FAM171A2: variants seen among roughly 807,000 people sequenced by gnomAD.
FAM171A2 encodes the protein protein FAM171A2.
A neutral mutation model predicts 34.2 loss-of-function variants in FAM171A2; 13 were observed. That is an observed-to-expected ratio of 0.38 (90% CI 0.25 to 0.60). The LOEUF is 0.60. FAM171A2 is among the 20% of genes least tolerant of loss of function. FAM171A2 has a pLI of 0.62. For synonymous variants in FAM171A2, 475 were observed against 561.2 expected (o/e 0.85, Z 2.17); for missense variants, 950 against 1,180.7 (o/e 0.80, Z 2.86).
intron 3 of FAM171A2, among the ~76,000 whole-genome samples, chr17:44,358,700 C>A (rs140766080): frequency 4.4e-4 from 67 of 151,974 alleles, no homozygotes; most frequent in Non-Finnish European, 8.5e-4. Flanking sequence ...AAAAACCCAA[C>A]AACAACAACA....
chr17:44,354,480 C>G lies in FAM171A2; in HGVS notation c.1734G>C (p.Gln578His). 1 of 1,079,142 alleles carries G rather than the reference C, an allele frequency of 9.3e-7. No individual in the cohort carries two copies. The highest frequency in any genetic ancestry group is 1.1e-6 in the Non-Finnish European group (1 of 890,564). The allele number at this position is 1,079,142 out of a possible 1,614,324, so 66.8% of individuals were successfully genotyped here. A position where few individuals can be genotyped will look rare whatever the true frequency, so the allele number is the denominator to read the frequency against. ...GCATCTGCGGGCGCTGGGGGTCGGG[C>G]TGGGGAAAAGCGCGCGCCGGGCCGG... Reference protein sequence around the residue: ...TAPGPARAFPQPDPQRPQMPG... With the variant: ...TAPGPARAFPHPDPQRPQMPG... Residue 578 changes from glutamine (Q) to histidine (H), a missense_variant, in exon 8 of 8, where the codon CAG (glutamine) becomes CAC (histidine). Gln to His is a conservative substitution (Grantham distance 24). Around this residue, in one of 3 missense-constraint regions of FAM171A2, gnomAD observed 752 missense variants for 924.5 expected, o/e 0.81. Coordinates refer to ENST00000293443, the MANE Select transcript of FAM171A2 (RefSeq NM_198475.3). The surrounding 1 kb of genome is among the most constrained non-coding windows in gnomAD (Gnocchi z 5.8).
Position 44,353,460 on chromosome 17 carries a change from A to G in FAM171A2, c.*273T>C. 5.0e-6 allele frequency: 1 copy of G among 200,634 alleles called. No homozygotes were observed. Among genetic ancestry groups the G allele is most frequent in the Non-Finnish European group, 1.0e-5 (1 of 100,384 alleles). 12.4% of individuals were successfully genotyped at this position (200,634 alleles called of 1,614,324 possible). ...TCCCACAATAGAGCTTTCTATGTAC[A>G]GCCACGTCTACACAGGCACTGCTTC... On this transcript the variant is annotated 3_prime_UTR_variant, in exon 8 of 8. Transcript: ENST00000293443.
intron 1 of FAM171A2, among the ~76,000 whole-genome samples, chr17:44,361,976 G>A (rs1304810072): frequency 6.6e-6 from 1 of 151,354 alleles, no homozygotes; most frequent in Admixed American, 6.6e-5. Flanking sequence ...GGGATCCCGA[G>A]TCTGAGATAT....
rs1199798964 is a variant in FAM171A2, at chr17:44,355,989, G to A, written c.864C>T (p.Tyr288=). The A allele has an allele frequency of 6.5e-7, 1 of 1,546,758 alleles. No individual in the cohort carries two copies. Among genetic ancestry groups the A allele is most frequent in the South Asian group, 1.2e-5 (1 of 83,342 alleles). The change falls in exon 6 of 8, where the codon TAC becomes TAT. Residue 288 remains tyrosine, a synonymous_variant. Coordinates refer to ENST00000293443, the MANE Select transcript of FAM171A2 (RefSeq NM_198475.3). This position sits in a 1 kb window ranked among gnomAD's most constrained non-coding sequence, Gnocchi z 4.1. ...TGGGGGAGGCCATGGCGGCCACCCA[G>A]TACCCCAGCTGGGGGGAGACGAAGG... The part of the protein sequence containing the change: ...YWTFVSPQLG[Y]WVAAMASPTA...
chr17:44,359,716 A>ACCCCC, intron 2 of FAM171A2, 45 bp from the exon 3 acceptor site: 3 of 1,155,474 alleles, frequency 2.6e-6, no homozygotes, highest in South Asian at 1.4e-5. Context: ...CCCACCCCCT[A>ACCCCC]CCCCCCAGCC....
At chr17:44,362,247 AG>A (rs1289998642) in intron 1 of FAM171A2, among the ~76,000 whole-genome samples, 2 of 151,964 alleles carry the variant, frequency 1.3e-5, no homozygotes, top group Non-Finnish European at 2.9e-5. Context: ...CAGGGACTTG[AG>A]GGGAGGGGCG....
chr17:44,357,520 G>A (rs368680904), intron 3 of FAM171A2, among the ~76,000 whole-genome samples: 17 of 149,282 alleles, frequency 1.1e-4, no homozygotes, highest in Middle Eastern at 3.7e-3. Flanking sequence ...GGTGGCAGGC[G>A]CCTGTAATCC....
In FAM171A2 at chr17:44,356,189, T is replaced by A. The variant is rs758958501; in HGVS notation, c.762A>T (p.Arg254Ser). ...GGCACTTACCACTCTTGGGGTCAAA[T>A]CTCCAGGCTGGAATGCTGGTGCCCA... ...LTVGTSIPAW[R>S]FDPKSGLWVR... Residue 254 changes from arginine (R) to serine (S), a missense_variant, in exon 5 of 8, where the codon AGA becomes AGT. Physicochemically the swap from Arg to Ser is moderately radical, Grantham distance 110. This residue lies in a region of FAM171A2 where 752 missense variants were observed against 924.5 expected (regional missense o/e 0.81). Coordinates refer to ENST00000293443, the MANE Select transcript of FAM171A2 (RefSeq NM_198475.3). The A allele has an allele frequency of 6.5e-7, 1 of 1,548,064 alleles. No homozygotes were observed. Among genetic ancestry groups the A allele is most frequent in the Non-Finnish European group, 8.7e-7 (1 of 1,144,592 alleles).
chr17:44,355,777 G>A lies in FAM171A2; in HGVS notation c.960C>T (p.Thr320=), dbSNP rs868632196. 2 of 1,551,942 alleles carry A rather than the reference G, an allele frequency of 1.3e-6. No homozygotes were observed. The highest frequency in any genetic ancestry group is 8.7e-7 in the Non-Finnish European group (1 of 1,147,072). ...IGTYHTIFLL[T]ILAALALLVL... ...CCAGCAGGGCCAGGGCTGCCAGGAT[G>A]GTGAGCAAGAAGATGGTGTGGTAGG... The change falls in exon 7 of 8, where the codon ACC becomes ACT. Residue 320 remains threonine, a synonymous_variant. Transcript: ENST00000293443. The surrounding 1 kb of genome is among the most constrained non-coding windows in gnomAD (Gnocchi z 4.1).
Position 44,358,195 on chromosome 17 carries a change from G to A in FAM171A2, c.439+1384C>T, listed in dbSNP as rs548230002. On this transcript the variant is annotated intron_variant, in intron 3 of 7. Transcript: ENST00000293443. ...CATCCAGGAGGCCTGGCATGAGAAA[G>A]GCCCAGAGGCGTGGGGCAGAGGGCG... Among the ~76,000 whole-genome samples the A allele has an allele frequency of 5.3e-5, 8 of 152,354 alleles. No homozygotes were observed. In the South Asian group the frequency reaches 1.4e-3, roughly 28 times the overall value.
chr17:44,354,004 C>T lies in FAM171A2; in HGVS notation c.2210G>A (p.Ser737Asn). The T allele has an allele frequency of 9.1e-6, 11 of 1,211,884 alleles. No homozygotes were observed. Among genetic ancestry groups the T allele is most frequent in the Non-Finnish European group, 1.1e-5 (11 of 974,898 alleles). The allele number at this position is 1,211,884 out of a possible 1,614,324, so 75.1% of individuals were successfully genotyped here. ...SEDTEPSSSESRTGLCSPEDN... is the reference protein window; with the variant it reads ...SEDTEPSSSENRTGLCSPEDN... ...CTCCGGAGAGCAGAGGCCCGTGCGGCTCTCGCTGCTGCTGGGCTCCGTGTC... is the reference window on the plus strand; with the variant it reads ...CTCCGGAGAGCAGAGGCCCGTGCGGTTCTCGCTGCTGCTGGGCTCCGTGTC... The change falls in exon 8 of 8, where the codon AGC becomes AAC. Residue 737 changes from serine (S) to asparagine (N), a missense_variant. This residue lies in a region of FAM171A2 where 191 missense variants were observed against 222.8 expected (regional missense o/e 0.86). Transcript: ENST00000293443. This position sits in a 1 kb window ranked among gnomAD's most constrained non-coding sequence, Gnocchi z 5.8.
chr17:44,357,204 G>A (rs961378241), intron 3 of FAM171A2, among the ~76,000 whole-genome samples: 1 of 151,958 alleles, frequency 6.6e-6, no homozygotes, highest in Non-Finnish European at 1.5e-5. Flanking sequence ...AAAATTAGCT[G>A]GGTGTGGTGG....
Position 44,354,736 on chromosome 17 carries a change from C to A in FAM171A2, c.1478G>T (p.Gly493Val). ...CGACAGCAGGAAGTCGGGGGTCTTGCCCTCGGCCGCCCCCTTGTGGCCCAG... is the reference window on the plus strand; with the variant it reads ...CGACAGCAGGAAGTCGGGGGTCTTGACCTCGGCCGCCCCCTTGTGGCCCAG... The part of the protein sequence containing the change: ...HYLGHKGAAE[G>V]KTPDFLLSQS... Residue 493 changes from glycine to valine, a missense_variant, in exon 8 of 8, where the codon GGC becomes GTC. Around this residue, in one of 3 missense-constraint regions of FAM171A2, gnomAD observed 752 missense variants for 924.5 expected, o/e 0.81. Coordinates refer to ENST00000293443, the MANE Select transcript of FAM171A2 (RefSeq NM_198475.3). This position sits in a 1 kb window ranked among gnomAD's most constrained non-coding sequence, Gnocchi z 5.8. 1.5e-6 allele frequency: 2 copies of A among 1,313,374 alleles called. No individual in the cohort carries two copies. Among genetic ancestry groups the A allele is most frequent in the South Asian group, 1.9e-5 (1 of 51,842 alleles). The allele number at this position is 1,313,374 out of a possible 1,614,324, so 81.4% of individuals were successfully genotyped here.
In FAM171A2 at chr17:44,359,632, G is replaced by A. The variant is rs71371993; in HGVS notation, c.386C>T (p.Pro129Leu). 0.066 allele frequency: 102,200 copies of A among 1,550,808 alleles called. 3,693 individuals are homozygous for A. Among genetic ancestry groups the A allele is most frequent in the Middle Eastern group, 0.11 (682 of 5,992 alleles). Residue 129 changes from proline (P) to leucine (L), a missense_variant, in exon 3 of 8, where the codon CCG (proline) becomes CTG (leucine). Pro to Leu is a moderately conservative substitution (Grantham distance 98, BLOSUM62 -3). Transcript: ENST00000293443. Reference sequence around the variant, plus strand: ...GTCCTCATAGAGGATGAGCGTGGCCGGCCGCTCAGGGAGCAGGTAGAGGCT... The same window carrying A: ...GTCCTCATAGAGGATGAGCGTGGCCAGCCGCTCAGGGAGCAGGTAGAGGCT... ...SVSLYLLPER[P>L]ATLILYEDLV...
At chr17:44,359,488 A>G in intron 3 of FAM171A2, 91 bp downstream of exon 3, 1 of 1,130,304 alleles carries the variant, frequency 8.8e-7, no homozygotes, top group Non-Finnish European at 1.3e-6. Context: ...TGACTTGCCC[A>G]AGGACACCCA....
In FAM171A2 at chr17:44,359,999, G is replaced by T. The variant is rs762241019; in HGVS notation, c.252C>A (p.Pro84=). ...TTDSEGVATL[P]LSYRLGTWVL... ...CCCAGGTGCCCAAGCGATAACTGAG[G>T]GGCAGGGTGGCCACACCCTCTGAGT... The change falls in exon 2 of 8, where the codon CCC becomes CCA. Residue 84 remains proline (P), a synonymous_variant. Transcript: ENST00000293443. 1 of 1,551,590 alleles carries T rather than the reference G, an allele frequency of 6.4e-7. No homozygotes were observed. Among genetic ancestry groups the T allele is most frequent in the African/African-American group, 1.4e-5 (1 of 73,048 alleles).
intron 1 of FAM171A2, among the ~76,000 whole-genome samples, chr17:44,362,268 A>G (rs1259088564): frequency 6.6e-6 from 1 of 152,012 alleles, no homozygotes; most frequent in African/African-American, 2.4e-5. Context: ...GTCCTAAGAA[A>G]CTAGGGCTTC....
chr17:44,355,102 A>T lies in FAM171A2; in HGVS notation c.1112T>A (p.Met371Lys). 6.4e-7 allele frequency: 1 copy of T among 1,550,896 alleles called. No individual in the cohort carries two copies. The highest frequency in any genetic ancestry group is 8.7e-7 in the Non-Finnish European group (1 of 1,146,926). Residue 371 changes from methionine (M) to lysine (K), a missense_variant, in exon 8 of 8, where the codon ATG becomes AAG. Met to Lys is a moderately conservative substitution (Grantham distance 95). Transcript: ENST00000293443. This position sits in a 1 kb window ranked among gnomAD's most constrained non-coding sequence, Gnocchi z 4.1. ...DGNKRDQATSMSQLHLICGGP... is the reference protein window; with the variant it reads ...DGNKRDQATSKSQLHLICGGP... The stretch of plus-strand genomic sequence containing the variant: ...CCCACAGATGAGGTGGAGCTGGGAC[A>T]TCGAGGTGGCCTGGTCTCGTTTGTT...
intron 1 of FAM171A2, 138 bp from the exon 2 acceptor site, chr17:44,360,270 C>G: frequency 1.5e-6 from 1 of 678,140 alleles, no homozygotes; most frequent in Non-Finnish European, 2.5e-6. Context: ...ATTTAAGACC[C>G]AGCATTCACA....
Sources: allele counts gnomAD v4.1 joint callset (sites outside exome capture counted in the v4.1 genomes callset), GRCh38; gene constraint gnomAD v4.1.1; regional missense constraint gnomAD v4.1.1; non-coding constraint Gnocchi (gnomAD v3.1); transcripts MANE v1.5; gene names NCBI Gene and HGNC (gene_info 2026-07-23, HGNC 2026-07-21).